The following NAV1 variants were observed in gnomAD, a reference collection of about 807,000 sequenced individuals.
The protein encoded by NAV1 is neuron navigator 1, also known as pore membrane and/or filament interacting like protein 3.
NAV1 carries 18 observed loss-of-function variants against 175.2 expected under a neutral mutation model. That is an observed-to-expected ratio of 0.10 (90% CI 0.07 to 0.15). The LOEUF (loss-of-function observed/expected upper bound fraction) is 0.15. Ranked by LOEUF, NAV1 falls within the 10% of genes least tolerant of loss-of-function variation. The pLI, the probability that NAV1 is intolerant of heterozygous loss-of-function variation, is 1.00. For missense variants in NAV1, 1,731 were observed against 2,436.6 expected, an observed-to-expected ratio of 0.71 and a Z score of 6.10; for synonymous variants, 897 against 978.7, an observed-to-expected ratio of 0.92 and a Z score of 1.56.
intron 1 of NAV1, among the ~76,000 whole-genome samples, chr1:201,671,425 G>A (rs1670043059): frequency 6.6e-6 from 1 of 152,154 alleles, no homozygotes; most frequent in South Asian, 2.1e-4. Flanking sequence ...GCAGGTATGA[G>A]ACAGGTTAGA....
chr1:201,671,464 C>G (rs1670043928), intron 1 of NAV1, among the ~76,000 whole-genome samples: 1 of 152,132 alleles, frequency 6.6e-6, no homozygotes, highest in African/African-American at 2.4e-5. Flanking sequence ...GTTGGACCAA[C>G]AGGGAAAAAT....
At chr1:201,710,514 C>G (rs1435900184) in intron 1 of NAV1, among the ~76,000 whole-genome samples, 1 of 152,218 alleles carries the variant, frequency 6.6e-6, no homozygotes, top group African/African-American at 2.4e-5. Context: ...TCTCAAACTC[C>G]TGGCCTGAAG....
At chr1:201,581,439 TC>T (rs1372777098) in intron 1 of NAV1, among the ~76,000 whole-genome samples, 6 of 152,064 alleles carry the variant, frequency 3.9e-5, no homozygotes, top group African/African-American at 1.4e-4. Context: ...TCTGTGAGCA[TC>T]CCAGTAAGGA....
At chr1:201,744,672 G>A (rs776035213) in intron 3 of NAV1, among the ~76,000 whole-genome samples, 1 of 152,148 alleles carries the variant, frequency 6.6e-6, no homozygotes, top group Non-Finnish European at 1.5e-5. Context: ...TGGTCCTGGA[G>A]AGCTTCCTAG....
chr1:201,641,183 G>T (rs1262999852), intron 2 of NAV1, among the ~76,000 whole-genome samples: 1 of 152,082 alleles, frequency 6.6e-6, no homozygotes, highest in Non-Finnish European at 1.5e-5. Context: ...GGACATTCTT[G>T]GTTCCTCTCT....
chr1:201,673,250 G>T (rs1206351037), intron 1 of NAV1: 2 of 152,216 alleles, frequency 1.3e-5, no homozygotes, highest in Non-Finnish European at 2.9e-5. Context: ...GGGCAGGCAG[G>T]CCCCACAGAT....
rs1558031789 is a variant in NAV1 at position 201,642,555 on chromosome 1, T to TCC, written c.5-6079_5-6078insCC. ...TTTCTTTCTTTCTTTCTTTCTTTCT[T>TCC]TTTTCCCTTTCTTCCCTTCCTTCTC... On this transcript the variant is annotated intron_variant, in intron 2 of 29. Coordinates refer to the NAV1 transcript ENST00000367302. 1.2e-3 allele frequency among the ~76,000 whole-genome samples: 161 copies of TCC among 131,426 alleles called. 4 individuals are homozygous for TCC. The highest frequency in any genetic ancestry group is 3.7e-3 in the African/African-American group (129 of 35,310). The allele number at this position is 131,426 out of a possible 152,430, so 86.2% of individuals were successfully genotyped here.
At chr1:201,601,121 A>G (rs766047321) in intron 2 of NAV1, among the ~76,000 whole-genome samples, 7 of 152,212 alleles carry the variant, frequency 4.6e-5, no homozygotes, top group Non-Finnish European at 1.0e-4. Flanking sequence ...TGGGGACCAC[A>G]TAATTTACCT....
chr1:201,666,648 T>TA (rs2102368085), intron 1 of NAV1, among the ~76,000 whole-genome samples: 1 of 152,278 alleles, frequency 6.6e-6, no homozygotes, highest in Non-Finnish European at 1.5e-5. Context: ...ATCCTTGGCT[T>TA]ACTGCCTGCC....
At chr1:201,776,126 T>G (rs1675920568) in intron 3 of NAV1, among the ~76,000 whole-genome samples, 1 of 152,128 alleles carries the variant, frequency 6.6e-6, no homozygotes, top group South Asian at 2.1e-4. Flanking sequence ...TGTCTATATA[T>G]TTATATGTGT....
rs141476948 is a variant in NAV1, at chr1:201,649,233, C to G, written c.565C>G (p.Pro189Ala). 4 of 1,613,156 alleles carry G rather than the reference C, an allele frequency of 2.5e-6. No individual in the cohort carries two copies. The highest frequency in any genetic ancestry group is 3.4e-6 in the Non-Finnish European group (4 of 1,179,964). ...GGAGGTCAAGCCGCTCAGCAAGGCG[C>G]CTGAAGCGGCCGTGAGCGAAGATGG... The change falls in exon 1 of 30, where the codon CCT becomes GCT. Residue 189 changes from proline to alanine, a missense_variant. Physicochemically the swap from Pro to Ala is conservative, Grantham distance 27 (BLOSUM62 -1). This residue lies in a region of NAV1 where 487 missense variants were observed against 581.3 expected (regional missense o/e 0.84). Coordinates refer to ENST00000367296, the Ensembl canonical transcript of NAV1.
Position 201,782,270 on chromosome 1 carries a change from G to A in NAV1, c.1758G>A (p.Leu586=), listed in dbSNP as rs779744281. The A allele has an allele frequency of 5.0e-6, 8 of 1,614,104 alleles. No homozygotes were observed. The highest frequency in any genetic ancestry group is 6.8e-6 in the Non-Finnish European group (8 of 1,180,050). Reference sequence around the variant, plus strand: ...CCTCTGATGCTGGTCGGGACCGCCTGAGTGATGCTAAGAAGCCCCCCTCGG... The same window carrying A: ...CCTCTGATGCTGGTCGGGACCGCCTAAGTGATGCTAAGAAGCCCCCCTCGG... The change falls in exon 6 of 30, where the codon CTG becomes CTA. Residue 586 remains leucine, a synonymous_variant. Transcript: ENST00000367296. This position sits in a 1 kb window ranked among gnomAD's most constrained non-coding sequence, Gnocchi z 5.4.
intron 15 of NAV1, among the ~76,000 whole-genome samples, chr1:201,802,988 A>G (rs549447014): frequency 8.5e-5 from 13 of 152,294 alleles, no homozygotes; most frequent in African/African-American, 2.4e-4. Context: ...TACGTTTTCC[A>G]AAGTTCCCAT....
chr1:201,747,993 T>C (rs1673878923), intron 3 of NAV1, among the ~76,000 whole-genome samples: 1 of 152,144 alleles, frequency 6.6e-6, no homozygotes. Flanking sequence ...GCCGAACAAC[T>C]TTGCAGACAC....
chr1:201,660,798 G>A (rs530087438), intron 1 of NAV1, among the ~76,000 whole-genome samples: 1 of 152,206 alleles, frequency 6.6e-6, no homozygotes, highest in East Asian at 1.9e-4. Flanking sequence ...ACCCTCACAG[G>A]TTTCAGAGCT....
intron 1 of NAV1, among the ~76,000 whole-genome samples, chr1:201,650,575 G>C (rs1669160066): frequency 6.6e-6 from 1 of 152,252 alleles, no homozygotes; most frequent in Non-Finnish European, 1.5e-5. Flanking sequence ...AAAGGGCGGG[G>C]CCGAGTGACG....
Position 201,813,407 on chromosome 1 carries a change from T to G in NAV1, c.5340+149T>G, listed in dbSNP as rs116095935. 1.0e-5 allele frequency: 6 copies of G among 595,860 alleles called. No homozygotes were observed. The highest frequency in any genetic ancestry group is 1.8e-5 in the Non-Finnish European group (6 of 339,312). The allele number at this position is 595,860 out of a possible 1,614,324, so 36.9% of individuals were successfully genotyped here. On this transcript the variant is annotated intron_variant, in intron 28 of 29. Transcript: ENST00000367296. This position sits in a 1 kb window ranked among gnomAD's most constrained non-coding sequence, Gnocchi z 4.2. Reference sequence around the variant, plus strand: ...GAGCAAGGCACTGGGTAGACTAAGCTGCTTTCCTGCCTCCAGCTGCCATTC... The same window carrying G: ...GAGCAAGGCACTGGGTAGACTAAGCGGCTTTCCTGCCTCCAGCTGCCATTC...
chr1:201,729,843 T>C (rs1455721838), intron 3 of NAV1, among the ~76,000 whole-genome samples: 2 of 152,090 alleles, frequency 1.3e-5, no homozygotes, highest in Non-Finnish European at 2.9e-5. Context: ...GAGGTGGAGC[T>C]TGCAGTGAGC....
rs1233373206 is a variant in NAV1, at chr1:201,810,072, C to G, written c.4528C>G (p.Arg1510Gly). 5 of 1,613,632 alleles carry G rather than the reference C, an allele frequency of 3.1e-6. No homozygotes were observed. The highest frequency in any genetic ancestry group is 4.2e-6 in the Non-Finnish European group (5 of 1,179,922). The stretch of plus-strand genomic sequence containing the variant: ...GCCCCCCGAGATGCCTCCTTGCCGT[C>G]GAGGTGTCAATAACATATCAGTCTC... Residue 1510 changes from arginine to glycine, a missense_variant, in exon 23 of 30, where the codon CGA becomes GGA. Physicochemically the swap from Arg to Gly is moderately radical, Grantham distance 125. Around this residue, in one of 13 missense-constraint regions of NAV1, gnomAD observed 36 missense variants for 45.3 expected, o/e 0.80. Transcript: ENST00000367296. The surrounding 1 kb of genome is among the most constrained non-coding windows in gnomAD (Gnocchi z 6.0).
Sources: allele counts gnomAD v4.1 joint callset (sites outside exome capture counted in the v4.1 genomes callset), GRCh38; gene constraint gnomAD v4.1.1; regional missense constraint gnomAD v4.1.1; non-coding constraint Gnocchi (gnomAD v3.1); transcripts MANE v1.5; gene names NCBI Gene and HGNC (gene_info 2026-07-23, HGNC 2026-07-21).